IDS: variants seen among roughly 807,000 people sequenced by gnomAD.
IDS encodes iduronate 2-sulfatase.
In IDS, 1 loss-of-function variant was observed where a neutral mutation model predicts 33.5. The observed-to-expected ratio is 0.03, with a 90% confidence interval of 0.01 to 0.14. The LOEUF is 0.14. Among genes scored for constraint, IDS ranks in the 10% least tolerant of loss-of-function variants. The pLI, the probability that IDS is intolerant of heterozygous loss-of-function variation, is 1.00. For synonymous variants in IDS, 191 were observed against 184.4 expected (o/e 1.04, Z -0.29); for missense variants, 328 against 448.0 (o/e 0.73, Z 2.42).
chrX:149,495,887 T>C (rs782371132), intron 6 of IDS, among the ~76,000 whole-genome samples: 49 of 112,195 alleles, frequency 4.4e-4, no homozygotes, highest in African/African-American at 1.4e-3. Flanking sequence ...CAAGGGCCTG[T>C]TCACCAAGCC....
intron 8 of IDS, among the ~76,000 whole-genome samples, chrX:149,485,776 C>T (rs2089330956): frequency 8.9e-6 from 1 of 112,137 alleles, no homozygotes; most frequent in African/African-American, 3.2e-5. Flanking sequence ...TCCCAGCAAA[C>T]AAAGGGCTAA....
At chrX:149,498,077 T>A in intron 5 of IDS, 30 bp downstream of exon 5, 1 of 1,147,848 alleles carries the variant, frequency 8.7e-7, no homozygotes. Context: ...GTCACAGCTG[T>A]GCTGGATCAG....
Position 149,477,511 on chromosome X carries a change from AT to A in IDS, c.*5234del, listed in dbSNP as rs1460781496. 6 of 112,898 alleles carry A rather than the reference AT, an allele frequency of 5.3e-5. No individual in the cohort carries two copies. Among genetic ancestry groups the A allele is most frequent in the Non-Finnish European group, 1.1e-4 (6 of 53,376 alleles). 9.3% of individuals were successfully genotyped at this position (112,898 alleles called of 1,213,427 possible). On this transcript the variant is annotated 3_prime_UTR_variant, in exon 9 of 9. Transcript: ENST00000340855. ...CTTCCCCCATCAGAGGATAAGGACT[AT>A]CACCTAGAATCCAGAATCAAACAAG...
In IDS at chrX:149,498,256, C is replaced by T; in HGVS notation, c.559G>A (p.Asp187Asn). 8.3e-7 allele frequency: 1 copy of T among 1,211,986 alleles called. No homozygotes were observed. The highest frequency in any genetic ancestry group is 1.1e-6 in the Non-Finnish European group (1 of 895,360). Reference sequence around the variant, plus strand: ...GTGCCCTCGGGAACATCCAGCACATCCACAGGGCAAAGCAGGTTGGCATGG... The same window carrying T: ...GTGCCCTCGGGAACATCCAGCACATTCACAGGGCAAAGCAGGTTGGCATGG... ...ELHANLLCPV[D>N]VLDVPEGTLP... The change falls in exon 5 of 9, where the codon GAT (aspartate) becomes AAT (asparagine). Residue 187 changes from aspartate (D) to asparagine (N), a missense_variant. Physicochemically the swap from Asp to Asn is conservative, Grantham distance 23 (BLOSUM62 1). Around this residue, in one of 4 missense-constraint regions of IDS, gnomAD observed 265 missense variants for 339.2 expected, o/e 0.78. Coordinates refer to ENST00000340855, the MANE Select transcript of IDS (RefSeq NM_000202.8).
rs1557337398 is a variant in IDS at position 149,481,146 on chromosome X, GCAA to G, written c.*1597_*1599del. The G allele has an allele frequency of 8.9e-6, 1 of 112,172 alleles. No homozygotes were observed. The highest frequency in any genetic ancestry group is 2.8e-4 in the East Asian group (1 of 3,593). 9.2% of individuals were successfully genotyped at this position (112,172 alleles called of 1,213,427 possible). A position where few individuals can be genotyped will look rare whatever the true frequency, so the allele number is the denominator to read the frequency against. On this transcript the variant is annotated 3_prime_UTR_variant, in exon 9 of 9. Transcript: ENST00000340855. ...AAAAGCCACAGTGAACATGATGACA[GCAA>G]CAACGAGGATGAAGAACAGCAAAGA...
Position 149,480,322 on chromosome X carries a change from G to C in IDS, c.*2424C>G. ...GAGAAGGACTGAGAAGATGGCAATG[G>C]GAGTGGGGAGGAAGGGGCTGATTGC... On this transcript the variant is annotated 3_prime_UTR_variant, in exon 9 of 9. Coordinates refer to ENST00000340855, the MANE Select transcript of IDS (RefSeq NM_000202.8). 3.4e-6 allele frequency: 1 copy of C among 297,438 alleles called. No homozygotes were observed. Among genetic ancestry groups the C allele is most frequent in the Non-Finnish European group, 5.9e-6 (1 of 170,327 alleles). 24.5% of individuals were successfully genotyped at this position (297,438 alleles called of 1,213,427 possible). A position where few individuals can be genotyped will look rare whatever the true frequency, so the allele number is the denominator to read the frequency against.
At chrX:149,491,160 G>A (rs1164553832) in intron 6 of IDS, among the ~76,000 whole-genome samples, 1 of 112,222 alleles carries the variant, frequency 8.9e-6, no homozygotes, top group African/African-American at 3.2e-5. Flanking sequence ...CTGATCACTT[G>A]CTAACCCAAC....
chrX:149,484,105 A>G (rs782561416), intron 8 of IDS, among the ~76,000 whole-genome samples: 2 of 112,559 alleles, frequency 1.8e-5, no homozygotes, highest in African/African-American at 6.5e-5. Flanking sequence ...TAGTGCTGCT[A>G]TGAACAGTAA....
rs782817492 is a variant in IDS, at chrX:149,486,970, G to C, written c.1135C>G (p.Pro379Ala). 3 of 1,210,340 alleles carry C rather than the reference G, an allele frequency of 2.5e-6. No homozygotes were observed. Among genetic ancestry groups the C allele is most frequent in the Admixed American group, 4.4e-5 (2 of 45,824 alleles). ...SLPEAGEKLF[P>A]YLDPFDSASQ... Reference sequence around the variant, plus strand: ...GCGGAATCAAAAGGGTCGAGGTAAGGGAAAAGCTTCTCGCCTGCCTCCGGA... The same window carrying C: ...GCGGAATCAAAAGGGTCGAGGTAAGCGAAAAGCTTCTCGCCTGCCTCCGGA... The change falls in exon 8 of 9, where the codon CCT becomes GCT. Residue 379 changes from proline to alanine, a missense_variant. Physicochemically the swap from Pro to Ala is conservative, Grantham distance 27. Transcript: ENST00000340855.
At chrX:149,494,781 A>C (rs1445877029) in intron 6 of IDS, among the ~76,000 whole-genome samples, 3 of 112,190 alleles carry the variant, frequency 2.7e-5, no homozygotes, top group Non-Finnish European at 5.6e-5. Context: ...GTTATCATGG[A>C]AAAACTTTAC....
Position 149,505,030 on chromosome X carries a change from G to C in IDS, c.103+5C>G. ...AAGAGATGGCAGGGAGGGCGTGGGC[G>C]GCACCTGTGGTCGAGTTGGCCTGCG... On this transcript the variant is annotated splice_donor_5th_base_variant and intron_variant, in intron 1 of 8. Transcript: ENST00000340855. 8.4e-7 allele frequency: 1 copy of C among 1,191,364 alleles called. No homozygotes were observed. Among genetic ancestry groups the C allele is most frequent in the Non-Finnish European group, 1.1e-6 (1 of 877,513 alleles).
At chrX:149,485,482 T>C (rs191006514) in intron 8 of IDS, among the ~76,000 whole-genome samples, 15 of 112,088 alleles carry the variant, frequency 1.3e-4, no homozygotes, top group African/African-American at 4.9e-4. Flanking sequence ...TTGAGATTAT[T>C]CCATGATTTT....
At chrX:149,493,673 G>C (rs2089412282) in intron 6 of IDS, among the ~76,000 whole-genome samples, 1 of 110,854 alleles carries the variant, frequency 9.0e-6, no homozygotes, top group Admixed American at 9.6e-5. Flanking sequence ...GAGGGAAGAG[G>C]CCTCGAGCCC....
intron 6 of IDS, 133 bp downstream of exon 6, chrX:149,496,213 T>G: frequency 1.6e-6 from 1 of 636,149 alleles, no homozygotes. Context: ...CCCAGCACTT[T>G]GCCTGATAAC....
chrX:149,504,299 C>G lies in IDS; in HGVS notation c.104-6G>C. ...GAGAAGAACGTTCAGAGCATCTACA[C>G]AGGAGGGAGGGGCTTTGGTGAGGTA... On this transcript the variant is annotated splice_polypyrimidine_tract_variant and splice_region_variant and intron_variant, in intron 1 of 8. Coordinates refer to ENST00000340855, the MANE Select transcript of IDS (RefSeq NM_000202.8). 2.5e-6 allele frequency: 3 copies of G among 1,205,086 alleles called. No individual in the cohort carries two copies. The highest frequency in any genetic ancestry group is 1.8e-5 in the South Asian group (1 of 56,081).
rs1229751076 is a variant in IDS, at chrX:149,502,999, C to A, written c.418+313G>T. 4.7e-5 allele frequency: 25 copies of A among 533,234 alleles called. No homozygotes were observed. In the African/African-American group the frequency reaches 5.2e-4, roughly 11 times the overall value. The allele number at this position is 533,234 out of a possible 1,213,427, so 43.9% of individuals were successfully genotyped here. A position where few individuals can be genotyped will look rare whatever the true frequency, so the allele number is the denominator to read the frequency against. On this transcript the variant is annotated intron_variant, in intron 3 of 8. Coordinates refer to ENST00000340855, the MANE Select transcript of IDS (RefSeq NM_000202.8). ...GTACCCTGCAGGGGAGAGGGTGGGG[C>A]CCTGAGCTGGACTCCACCCAACACT... is the stretch of plus-strand genomic sequence containing the variant.
At position 149,498,219 on chromosome X, in the gene IDS, T is replaced by C. The variant is rs2089451781; in HGVS notation, c.596A>G (p.Lys199Arg). ...CTGTATGGCTTGCTCAGTGCTCTGT[T>C]TGTCAGGCAAGGTGCCCTCGGGAAC... ...LDVPEGTLPD[K>R]QSTEQAIQLL... The change falls in exon 5 of 9, where the codon AAA (lysine) becomes AGA (arginine). Residue 199 changes from lysine to arginine, a missense_variant. Physicochemically the swap from Lys to Arg is conservative, Grantham distance 26. Transcript: ENST00000340855. 3.3e-6 allele frequency: 4 copies of C among 1,210,410 alleles called. No homozygotes were observed. Among genetic ancestry groups the C allele is most frequent in the African/African-American group, 3.5e-5 (2 of 57,317 alleles).
At chrX:149,487,350 A>T (rs782632531) in intron 7 of IDS, 1 of 1,040,263 alleles carries the variant, frequency 9.6e-7, no homozygotes. Context: ...TCCCAAACTC[A>T]AATATCTTAA....
Position 149,483,023 on chromosome X carries a change from T to C in IDS, c.1376A>G (p.Glu459Gly), listed in dbSNP as rs1557337617. 8.3e-7 allele frequency: 1 copy of C among 1,207,391 alleles called. No homozygotes were observed. ...GGGATACTGGCTATAGGCAATCAGT[T>C]CACGGGGATTACCAGGGAGGTACGG... is the stretch of plus-strand genomic sequence containing the variant. ...EDPYLPGNPR[E>G]LIAYSQYPRP... Residue 459 changes from glutamate to glycine, a missense_variant, in exon 9 of 9, where the codon GAA becomes GGA. Physicochemically the swap from Glu to Gly is moderately conservative, Grantham distance 98 (BLOSUM62 -2). Around this residue, in one of 4 missense-constraint regions of IDS, gnomAD observed 265 missense variants for 339.2 expected, o/e 0.78. Transcript: ENST00000340855.
Sources: allele counts gnomAD v4.1 joint callset (sites outside exome capture counted in the v4.1 genomes callset), GRCh38; gene constraint gnomAD v4.1.1; regional missense constraint gnomAD v4.1.1; transcripts MANE v1.5; gene names NCBI Gene and HGNC (gene_info 2026-07-23, HGNC 2026-07-21).